Variants in ZNF143 observed in about 807,000 individuals in gnomAD.
ZNF143 encodes the protein SPH-binding factor.
In ZNF143, 49 loss-of-function variants were observed where a neutral mutation model predicts 74.1. The ratio of observed to expected loss-of-function variants is 0.66; its 90% CI spans 0.53 to 0.84. The LOEUF is 0.84. Ranked by LOEUF, ZNF143 falls within the 40% of genes least tolerant of loss-of-function variation. The probability of loss-of-function intolerance (pLI) is 0.00; values close to 1 mark genes in which losing one functional copy is unlikely to be tolerated. For missense variants in ZNF143, 637 were observed against 793.4 expected (o/e 0.80, Z 2.37); for synonymous variants, 304 against 282.8 (o/e 1.07, Z -0.75).
In ZNF143 at chr11:9,496,381, A is replaced by G. The variant is rs375560570; in HGVS notation, c.841+3A>G. 1.7e-5 allele frequency: 28 copies of G among 1,613,940 alleles called. No homozygotes were observed. The highest frequency in any genetic ancestry group is 2.3e-5 in the Non-Finnish European group (27 of 1,179,892). ...CTGTGGGAAGGCATTTGCAACAGGT[A>G]AAAGTATGAATTTTGTTTTTTTCTT... On this transcript the variant is annotated splice_donor_region_variant and intron_variant, in intron 9 of 15. Coordinates refer to ENST00000396602, the MANE Select transcript of ZNF143 (RefSeq NM_003442.6).
chr11:9,489,834 T>G (rs1847702075), intron 7 of ZNF143, among the ~76,000 whole-genome samples: 1 of 152,186 alleles, frequency 6.6e-6, no homozygotes, highest in Non-Finnish European at 1.5e-5. Context: ...ACAAATCATA[T>G]AAAGCTTGAT....
chr11:9,502,887 G>C (rs1848218305), intron 11 of ZNF143, among the ~76,000 whole-genome samples: 2 of 152,102 alleles, frequency 1.3e-5, no homozygotes, highest in South Asian at 4.1e-4. Flanking sequence ...ATGGAGTGCA[G>C]TGGCGCAATC....
intron 7 of ZNF143, among the ~76,000 whole-genome samples, chr11:9,491,323 G>A (rs1847766159): frequency 1.3e-5 from 2 of 151,068 alleles, no homozygotes; most frequent in South Asian, 4.2e-4. Context: ...TTTTATTTCT[G>A]TATTACTTTT....
intron 1 of ZNF143, among the ~76,000 whole-genome samples, chr11:9,462,552 G>A (rs1285786207): frequency 3.8e-5 from 5 of 133,262 alleles, no homozygotes; most frequent in Admixed American, 7.8e-5. Context: ...GACAGAGACC[G>A]GTCTCGAAAA....
At chr11:9,517,507 C>G (rs1403265460) in intron 14 of ZNF143, among the ~76,000 whole-genome samples, 1 of 152,090 alleles carries the variant, frequency 6.6e-6, no homozygotes, top group Non-Finnish European at 1.5e-5. Flanking sequence ...GCCAAACTTC[C>G]CTTCTAGGGT....
intron 11 of ZNF143, among the ~76,000 whole-genome samples, chr11:9,503,704 G>A (rs1848248644): frequency 6.7e-6 from 1 of 150,036 alleles, no homozygotes; most frequent in African/African-American, 2.5e-5. Context: ...GTGTAGTGGT[G>A]TGATCTCAGC....
intron 14 of ZNF143, among the ~76,000 whole-genome samples, chr11:9,519,872 GCTT>G (rs1373716708): frequency 1.3e-5 from 2 of 151,964 alleles, no homozygotes; most frequent in Non-Finnish European, 2.9e-5. Context: ...GTTCAGTGCT[GCTT>G]CTTGTGGTTA....
intron 5 of ZNF143, among the ~76,000 whole-genome samples, chr11:9,477,630 A>C (rs916505144): frequency 3.9e-5 from 6 of 152,074 alleles, no homozygotes; most frequent in African/African-American, 1.2e-4. Context: ...CACTATCTCT[A>C]TATATATATC....
chr11:9,486,411 TA>T (rs1419872153), intron 7 of ZNF143, among the ~76,000 whole-genome samples: 367 of 23,952 alleles, frequency 0.015, 11 homozygotes, highest in Non-Finnish European at 0.019. Flanking sequence ...ATTATATATA[TA>T]ATATATATTA....
rs1476228691 is a variant in ZNF143 at position 9,528,469 on chromosome 11, C to G, written c.*856C>G. On this transcript the variant is annotated 3_prime_UTR_variant, in exon 16 of 16. Coordinates refer to ENST00000396602, the MANE Select transcript of ZNF143 (RefSeq NM_003442.6). ...TTGCTTATGTACTTTTGTTTTAAAGCTTATTTACCCCAAAGTTTATTATTA... is the reference window on the plus strand; with the variant it reads ...TTGCTTATGTACTTTTGTTTTAAAGGTTATTTACCCCAAAGTTTATTATTA... 1 of 151,502 alleles carries G rather than the reference C, an allele frequency of 6.6e-6. No individual in the cohort carries two copies. The highest frequency in any genetic ancestry group is 1.5e-5 in the Non-Finnish European group (1 of 67,972). 9.4% of individuals were successfully genotyped at this position (151,502 alleles called of 1,614,324 possible). A position where few individuals can be genotyped will look rare whatever the true frequency, so the allele number is the denominator to read the frequency against.
intron 9 of ZNF143, 117 bp from the exon 10 acceptor site, chr11:9,497,558 G>C: frequency 2.5e-6 from 2 of 796,040 alleles, no homozygotes; most frequent in Non-Finnish European, 1.9e-6. Context: ...TAGTTATTCT[G>C]TGTATTTGCC....
At chr11:9,463,358 C>G (rs1328712476) in intron 1 of ZNF143, among the ~76,000 whole-genome samples, 1 of 152,162 alleles carries the variant, frequency 6.6e-6, no homozygotes, top group East Asian at 1.9e-4. Flanking sequence ...TACTCTAAAA[C>G]TTTTTCAGTG....
intron 12 of ZNF143, among the ~76,000 whole-genome samples, chr11:9,511,750 CTTTTTTTTTT>C: frequency 8.3e-6 from 1 of 120,170 alleles, no homozygotes; most frequent in South Asian, 2.8e-4. Context: ...CCTTTAACAG[CTTTTTTTTTT>C]TTTTTTTTTG....
intron 1 of ZNF143, among the ~76,000 whole-genome samples, chr11:9,462,865 A>C (rs1855953611): frequency 6.6e-6 from 1 of 152,122 alleles, no homozygotes; most frequent in African/African-American, 2.4e-5. Flanking sequence ...ACAAGAGCGA[A>C]ACTCCGTCTC....
At chr11:9,515,671 AAAAG>A (rs1423897430) in intron 13 of ZNF143, among the ~76,000 whole-genome samples, 9 of 150,516 alleles carry the variant, frequency 6.0e-5, no homozygotes, top group Non-Finnish European at 1.0e-4. Flanking sequence ...AAAAAAAAGA[AAAAG>A]AAAAAGAAAA....
In ZNF143 at chr11:9,495,397, C is replaced by T. The variant is rs569854490; in HGVS notation, c.765+632C>T. ...CAGAGGTTGCAGTAAACCAAGATTG[C>T]ACCACTGCACTCCAGCCTGGGCAAC... is the stretch of plus-strand genomic sequence containing the variant. On this transcript the variant is annotated intron_variant, in intron 8 of 15. Coordinates refer to ENST00000396602, the MANE Select transcript of ZNF143 (RefSeq NM_003442.6). 7.9e-5 allele frequency among the ~76,000 whole-genome samples: 12 copies of T among 152,280 alleles called. No homozygotes were observed. In the East Asian group the frequency reaches 2.3e-3, roughly 29 times the overall value.
intron 14 of ZNF143, among the ~76,000 whole-genome samples, chr11:9,521,363 T>C (rs2134247117): frequency 6.6e-6 from 1 of 152,348 alleles, no homozygotes; most frequent in East Asian, 1.9e-4. Context: ...ATCTATAATT[T>C]ATTATGAAAT....
In ZNF143 at chr11:9,496,331, G is replaced by A; in HGVS notation, c.794G>A (p.Arg265Gln). The A allele has an allele frequency of 4.3e-6, 7 of 1,614,080 alleles. No homozygotes were observed. Among genetic ancestry groups the A allele is most frequent in the Non-Finnish European group, 5.9e-6 (7 of 1,180,026 alleles). The change falls in exon 9 of 16, where the codon CGG (arginine) becomes CAG (glutamine). Residue 265 changes from arginine to glutamine, a missense_variant. Transcript: ENST00000396602. ...CATGAGAGGTCACACACAGGAGATC[G>A]GCCTTATCAGTGTGAGCATGCAGGC... The part of the protein sequence containing the change: ...KVHERSHTGD[R>Q]PYQCEHAGCG...
At chr11:9,522,494 T>C (rs1848970547) in intron 14 of ZNF143, among the ~76,000 whole-genome samples, 1 of 152,244 alleles carries the variant, frequency 6.6e-6, no homozygotes, top group Admixed American at 6.5e-5. Context: ...ATTTGGCTTT[T>C]TTGTTTTTTG....
Sources: allele counts gnomAD v4.1 joint callset (sites outside exome capture counted in the v4.1 genomes callset), GRCh38; gene constraint gnomAD v4.1.1; transcripts MANE v1.5; gene names NCBI Gene and HGNC (gene_info 2026-07-23, HGNC 2026-07-21).